IRAK1BP1: variants seen among roughly 807,000 people sequenced by gnomAD.
IRAK1BP1 encodes interleukin 1 receptor associated kinase 1 binding protein 1, also known as interleukin-1 receptor-associated kinase 1-binding protein 1.
Under a neutral mutation model 28.0 loss-of-function variants are expected in IRAK1BP1, and 24 were observed. The ratio of observed to expected loss-of-function variants is 0.86; its 90% CI spans 0.62 to 1.20. The LOEUF (loss-of-function observed/expected upper bound fraction) is 1.20. IRAK1BP1 is among the 50% of genes most tolerant of loss of function. IRAK1BP1 has a pLI of 0.00. For missense variants in IRAK1BP1, 336 were observed against 316.7 expected, an observed-to-expected ratio of 1.06 and a Z score of -0.46; for synonymous variants, 131 against 116.3, an observed-to-expected ratio of 1.13 and a Z score of -0.81.
intron 1 of IRAK1BP1, among the ~76,000 whole-genome samples, chr6:78,883,917 G>GA (rs1316949224): frequency 6.6e-6 from 1 of 151,966 alleles, no homozygotes; most frequent in African/African-American, 2.4e-5. Context: ...TATCAGAGCA[G>GA]AAAAAAATGT....
the IRAK1BP1 span, among the ~76,000 whole-genome samples, chr6:78,964,751 A>G: frequency 3.7e-4 from 56 of 152,292 alleles, no homozygotes; most frequent in East Asian, 7.7e-3. Flanking sequence ...TCAGCCTCTC[A>G]AAGTGCTGGG....
chr6:78,869,224 T>C (rs1440180490), intron 1 of IRAK1BP1, among the ~76,000 whole-genome samples: 5 of 152,198 alleles, frequency 3.3e-5, no homozygotes, highest in African/African-American at 1.2e-4. Flanking sequence ...GTCTCTAATA[T>C]ATAAAACAAC....
chr6:78,920,746 A>G (rs536004399), intron 4 of IRAK1BP1, among the ~76,000 whole-genome samples: 6 of 152,296 alleles, frequency 3.9e-5, no homozygotes, highest in East Asian at 3.9e-4. Flanking sequence ...CATGACAAAG[A>G]CTCCAAAAGC....
chr6:78,867,690 C>T lies in IRAK1BP1; in HGVS notation c.114C>T (p.Arg38=). 6.2e-7 allele frequency: 1 copy of T among 1,614,248 alleles called. No individual in the cohort carries two copies. Residue 38 remains arginine (R), a synonymous_variant, in exon 1 of 4, where the codon CGC becomes CGT. Coordinates refer to ENST00000369940, the MANE Select transcript of IRAK1BP1 (RefSeq NM_001010844.4). ...GGAGAGAGACGCTACCGGGCTTACG[C>T]CACCCCCTCTCCTCAACACAAGCCC... ...ASGRETLPGL[R]HPLSSTQAQT...
At position 78,902,973 on chromosome 6, in the gene IRAK1BP1, A is replaced by G. The variant is rs1285443694; in HGVS notation, c.*4639A>G. The G allele has an allele frequency of 8.0e-7, 1 of 1,243,580 alleles. No individual in the cohort carries two copies. The highest frequency in any genetic ancestry group is 2.5e-5 in the East Asian group (1 of 39,532). The allele number at this position is 1,243,580 out of a possible 1,614,324, so 77.0% of individuals were successfully genotyped here. ...AAACTCTTATAAACCTGTTTATCAG[A>G]AGGATATTTCTGTTTCAGCAACTCC... On this transcript the variant is annotated 3_prime_UTR_variant, in exon 4 of 4. Transcript: ENST00000369940.
chr6:78,902,828 C>A lies in IRAK1BP1; in HGVS notation c.*4494C>A. 1.8e-6 allele frequency: 1 copy of A among 559,116 alleles called. No individual in the cohort carries two copies. The highest frequency in any genetic ancestry group is 2.9e-5 in the East Asian group (1 of 34,496). 34.6% of individuals were successfully genotyped at this position (559,116 alleles called of 1,614,324 possible). A position where few individuals can be genotyped will look rare whatever the true frequency, so the allele number is the denominator to read the frequency against. On this transcript the variant is annotated 3_prime_UTR_variant, in exon 4 of 4. Coordinates refer to ENST00000369940, the MANE Select transcript of IRAK1BP1 (RefSeq NM_001010844.4). ...CATACATACATACATACATAAAATG[C>A]CCAGTATCTTACAAGACTGTAGTTC...
chr6:78,889,747 A>G (rs9361462), intron 2 of IRAK1BP1, among the ~76,000 whole-genome samples: 71,166 of 151,860 alleles, frequency 0.47, 17,097 homozygotes, highest in East Asian at 0.69. Context: ...TTAGAATGGC[A>G]ATCTTTAAAA....
At chr6:78,973,925 T>C in the IRAK1BP1 span, among the ~76,000 whole-genome samples, 1 of 151,900 alleles carries the variant, frequency 6.6e-6, no homozygotes, top group East Asian at 1.9e-4. Context: ...ACATTAATAA[T>C]GGGAGACTTT....
Position 78,885,430 on chromosome 6 carries a change from A to G in IRAK1BP1, c.368A>G (p.His123Arg), listed in dbSNP as rs1771385989. ...TTTAGGAGAGTGGAAAATGCTTATC[A>G]CATGGAAGCAGAGGTATGTACTTAA... ...KDFRRVENAY[H>R]MEAEVCITFT... The change falls in exon 2 of 4, where the codon CAC becomes CGC. Residue 123 changes from histidine to arginine, a missense_variant. By Grantham distance (29) the His-to-Arg change is conservative. Transcript: ENST00000369940. 6.6e-7 allele frequency: 1 copy of G among 1,525,252 alleles called. No homozygotes were observed. The highest frequency in any genetic ancestry group is 8.9e-7 in the Non-Finnish European group (1 of 1,128,416). The allele number at this position is 1,525,252 out of a possible 1,614,324, so 94.5% of individuals were successfully genotyped here. A position where few individuals can be genotyped will look rare whatever the true frequency, so the allele number is the denominator to read the frequency against.
chr6:78,923,727 C>G (rs979544106), intron 4 of IRAK1BP1, among the ~76,000 whole-genome samples: 2 of 152,086 alleles, frequency 1.3e-5, no homozygotes, highest in African/African-American at 4.8e-5. Context: ...TGTCTCAGAC[C>G]ACAGTGCAAT....
exon 5 of IRAK1BP1, chr6:78,945,487 A>T (rs1773758461): frequency 1.3e-6 from 2 of 1,596,320 alleles, no homozygotes; most frequent in South Asian, 1.1e-5. Flanking sequence ...GTTTCACAGA[A>T]TTCTCTAGTA....
At chr6:78,895,917 T>G (rs919688160) in intron 2 of IRAK1BP1, among the ~76,000 whole-genome samples, 8 of 152,196 alleles carry the variant, frequency 5.3e-5, no homozygotes, top group Admixed American at 2.6e-4. Context: ...GAAGTGCAAC[T>G]ATCTTAATTC....
the IRAK1BP1 span, among the ~76,000 whole-genome samples, chr6:78,974,403 A>T: frequency 6.6e-6 from 1 of 151,964 alleles, no homozygotes. Context: ...TTATAGCACT[A>T]AATGCCCACA....
At chr6:78,919,767 G>A (rs944877887) in intron 4 of IRAK1BP1, among the ~76,000 whole-genome samples, 1 of 152,034 alleles carries the variant, frequency 6.6e-6, no homozygotes, top group Non-Finnish European at 1.5e-5. Context: ...GATGTACAAA[G>A]TACCAATTCT....
At chr6:78,945,512 CA>C in exon 5 of IRAK1BP1, 1 of 1,504,042 alleles carries the variant, frequency 6.6e-7, no homozygotes. Flanking sequence ...AACATACAAA[CA>C]AAATTTAAAA....
chr6:78,886,197 A>T (rs1246796717), intron 2 of IRAK1BP1, among the ~76,000 whole-genome samples: 2 of 152,174 alleles, frequency 1.3e-5, no homozygotes, highest in African/African-American at 2.4e-5. Flanking sequence ...CAGGCAGATA[A>T]TACATTATTT....
chr6:78,919,006 A>C (rs1239886880), intron 4 of IRAK1BP1, among the ~76,000 whole-genome samples: 1 of 152,192 alleles, frequency 6.6e-6, no homozygotes, highest in African/African-American at 2.4e-5. Flanking sequence ...AACATACTCT[A>C]TGACCACAGT....
chr6:78,880,523 A>G (rs370600482), intron 1 of IRAK1BP1, among the ~76,000 whole-genome samples: 20 of 152,346 alleles, frequency 1.3e-4, no homozygotes, highest in African/African-American at 4.6e-4. Flanking sequence ...TGAAAAGTCA[A>G]TCTATAGACT....
the IRAK1BP1 span, among the ~76,000 whole-genome samples, chr6:78,968,336 A>T: frequency 6.6e-6 from 1 of 152,214 alleles, no homozygotes; most frequent in Non-Finnish European, 1.5e-5. Flanking sequence ...ATGGGTTTTA[A>T]CTGACCAGGT....
Sources: allele counts gnomAD v4.1 joint callset (sites outside exome capture counted in the v4.1 genomes callset), GRCh38; gene constraint gnomAD v4.1.1; transcripts MANE v1.5; gene names NCBI Gene and HGNC (gene_info 2026-07-23, HGNC 2026-07-21).